ZNF536: variants seen among roughly 807,000 people sequenced by gnomAD.
ZNF536 encodes zinc finger protein 536.
ZNF536 carries 13 observed loss-of-function variants against 84.5 expected under a neutral mutation model. That is an observed-to-expected ratio of 0.15 (90% CI 0.10 to 0.24). ZNF536 has a LOEUF of 0.24. Among genes scored for constraint, ZNF536 ranks in the 10% least tolerant of loss-of-function variants. ZNF536 has a pLI of 1.00. For synonymous variants in ZNF536, 811 were observed against 742.5 expected, an observed-to-expected ratio of 1.09 and a Z score of -1.50; for missense variants, 1,536 against 1,747.5, an observed-to-expected ratio of 0.88 and a Z score of 2.16.
chr19:30,486,821 C>A (rs1444358953), intron 2 of ZNF536, among the ~76,000 whole-genome samples: 1 of 152,156 alleles, frequency 6.6e-6, no homozygotes, highest in Non-Finnish European at 1.5e-5. Context: ...CTGTTTTTGG[C>A]CTACTTGGAC....
intron 2 of ZNF536, among the ~76,000 whole-genome samples, chr19:30,479,794 C>T (rs1017617635): frequency 6.6e-6 from 1 of 152,260 alleles, no homozygotes; most frequent in African/African-American, 2.4e-5. Context: ...TTTCTGTACC[C>T]TTTGGGTATG....
At chr19:30,404,997 C>T (rs1338901845) in intron 1 of ZNF536, among the ~76,000 whole-genome samples, 1 of 152,154 alleles carries the variant, frequency 6.6e-6, no homozygotes, top group African/African-American at 2.4e-5. Flanking sequence ...AGTTTATTAT[C>T]AACAATATTA....
intron 1 of ZNF536, among the ~76,000 whole-genome samples, chr19:30,635,090 G>GTA (rs2049020114): frequency 1.3e-5 from 2 of 152,014 alleles, no homozygotes; most frequent in African/African-American, 4.8e-5. Context: ...GTGTGTGTGT[G>GTA]TATGCGCGTG....
intron 1 of ZNF536, among the ~76,000 whole-genome samples, chr19:30,593,648 G>A (rs1166362724): frequency 2.0e-5 from 3 of 152,198 alleles, no homozygotes; most frequent in Non-Finnish European, 4.4e-5. Flanking sequence ...GGGCAACAGA[G>A]TTTTGCTGTC....
upstream of ZNF536, among the ~76,000 whole-genome samples, chr19:30,227,882 G>C (rs1172735353): frequency 6.6e-6 from 1 of 151,008 alleles, no homozygotes; most frequent in African/African-American, 2.4e-5. Flanking sequence ...GGGGCCGGCG[G>C]AGGGGACCGG....
chr19:30,566,529 T>G (rs1332634534), intron 1 of ZNF536, among the ~76,000 whole-genome samples: 1 of 152,260 alleles, frequency 6.6e-6, no homozygotes, highest in Non-Finnish European at 1.5e-5. Context: ...ATGGGGAAAC[T>G]GAGGCACCGA....
intron 1 of ZNF536, among the ~76,000 whole-genome samples, chr19:30,260,130 G>T (rs146906962): frequency 6.6e-6 from 1 of 152,152 alleles, no homozygotes; most frequent in African/African-American, 2.4e-5. Flanking sequence ...AAGTTTACCA[G>T]TTGATCATTA....
At chr19:30,663,410 A>G (rs899304801) in intron 1 of ZNF536, among the ~76,000 whole-genome samples, 1 of 152,128 alleles carries the variant, frequency 6.6e-6, no homozygotes, top group Admixed American at 6.5e-5. Context: ...TATGTTTCTT[A>G]AAATTATATA....
rs1409783683 is a variant in ZNF536 at position 30,250,192 on chromosome 19, G to T, written c.-190+21519G>T. Among the ~76,000 whole-genome samples, 6 of 152,168 alleles carry T rather than the reference G, an allele frequency of 3.9e-5. No individual in the cohort carries two copies. The East Asian group carries it at 1.2e-3, about 29-fold the overall frequency. ...ATTCACGATTCTGTCTATTCCTGTG[G>T]TGTTTACATTCCACCATGGCAGAAG... On this transcript the variant is annotated intron_variant, in intron 1 of 5. Transcript: ENST00000585628.
chr19:30,623,104 T>C (rs546097882), intron 1 of ZNF536, among the ~76,000 whole-genome samples: 31 of 147,122 alleles, frequency 2.1e-4, no homozygotes, highest in Non-Finnish European at 2.2e-4. Context: ...AGTGGAACAA[T>C]TGGTGTCATT....
chr19:30,440,881 GGATAGATAGATAGATAGATAGATA>G lies in ZNF536; in HGVS notation c.-2-2644_-2-2621del, dbSNP rs56021291. ...TACAAATCTTTGTTAACTCTGGCCA[GGATAGATAGATAGATAGATAGATA>G]GATAGATAGATAGATAGATAGATAG... On this transcript the variant is annotated intron_variant, in intron 1 of 4. Transcript: ENST00000355537. Among the ~76,000 whole-genome samples the G allele has an allele frequency of 2.4e-3, 346 of 145,672 alleles. 2 individuals are homozygous for G. Among genetic ancestry groups the G allele is most frequent in the Middle Eastern group, 6.8e-3 (2 of 294 alleles).
At chr19:30,352,770 G>A (rs902641370) in intron 3 of ZNF536, among the ~76,000 whole-genome samples, 6 of 152,190 alleles carry the variant, frequency 3.9e-5, no homozygotes, top group African/African-American at 1.4e-4. Flanking sequence ...AAGAGATCGT[G>A]AAAAAATGTT....
chr19:30,338,423 T>C (rs915829478), intron 2 of ZNF536, among the ~76,000 whole-genome samples: 2 of 151,674 alleles, frequency 1.3e-5, no homozygotes, highest in East Asian at 1.9e-4. Context: ...ATGATGAAGA[T>C]GATTTGATGA....
intron 2 of ZNF536, among the ~76,000 whole-genome samples, chr19:30,530,968 T>A (rs923359177): frequency 6.6e-6 from 1 of 152,116 alleles, no homozygotes; most frequent in Non-Finnish European, 1.5e-5. Flanking sequence ...GCCCTGCGGG[T>A]GTCCTGCCAG....
chr19:30,424,749 G>T lies in ZNF536; in HGVS notation c.-2-18812G>T, dbSNP rs559877539. Among the ~76,000 whole-genome samples the T allele has an allele frequency of 8.5e-5, 13 of 152,320 alleles. No homozygotes were observed. The South Asian group carries it at 2.7e-3, about 32-fold the overall frequency. ...GCTAAAATCACTTCTCCTTGACACA[G>T]ACAAGGAAAGCACTGGGGAAAGACC... is the stretch of plus-strand genomic sequence containing the variant. On this transcript the variant is annotated intron_variant, in intron 1 of 4. Transcript: ENST00000355537.
chr19:30,472,674 C>T (rs756366587), intron 2 of ZNF536, among the ~76,000 whole-genome samples: 8 of 152,148 alleles, frequency 5.3e-5, no homozygotes, highest in Non-Finnish European at 8.8e-5. Flanking sequence ...CAGTCCACAC[C>T]TTTCACTCCC....
intron 1 of ZNF536, among the ~76,000 whole-genome samples, chr19:30,646,008 C>T (rs2049452336): frequency 6.6e-6 from 1 of 152,122 alleles, no homozygotes; most frequent in Non-Finnish European, 1.5e-5. Flanking sequence ...GATCTAGTCA[C>T]CGTCTTCTCC....
chr19:30,580,020 G>A (rs1418503795), intron 1 of ZNF536, among the ~76,000 whole-genome samples: 3 of 152,216 alleles, frequency 2.0e-5, no homozygotes, highest in Non-Finnish European at 4.4e-5. Flanking sequence ...CTGGGATTGA[G>A]CAGACGCAGT....
intron 2 of ZNF536, among the ~76,000 whole-genome samples, chr19:30,475,873 G>A (rs556682139): frequency 6.6e-6 from 1 of 152,292 alleles, no homozygotes; most frequent in Admixed American, 6.5e-5. Context: ...AAGGTATGGG[G>A]AGGTGCCTGC....
Sources: gnomAD v4.1 joint callset for allele counts (sites outside exome capture counted in the v4.1 genomes callset) on GRCh38, gnomAD v4.1.1 for gene constraint, MANE v1.5 for transcripts, NCBI Gene and HGNC (gene_info 2026-07-23, HGNC 2026-07-21) for gene names.